Variants in RGS7 observed in about 807,000 individuals in gnomAD.
The protein encoded by RGS7 is regulator of G protein signaling 7, also known as regulator of G-protein signaling 7.
In RGS7, 27 loss-of-function variants were observed where a neutral mutation model predicts 81.1. The observed-to-expected ratio is 0.33, with a 90% CI of 0.25 to 0.46. The LOEUF (loss-of-function observed/expected upper bound fraction) is 0.46, where lower values mean the gene tolerates loss of function less well. Ranked by LOEUF, RGS7 falls within the 20% of genes least tolerant of loss-of-function variation. The pLI is 1.00. For missense variants in RGS7, 396 were observed against 607.4 expected (o/e 0.65, Z 3.66); for synonymous variants, 208 against 207.7 (o/e 1.00, Z -0.01).
intron 2 of RGS7, among the ~76,000 whole-genome samples, chr1:241,151,148 C>T (rs1572900244): frequency 6.6e-6 from 1 of 152,340 alleles, no homozygotes; most frequent in East Asian, 1.9e-4. Flanking sequence ...CACACCCTAA[C>T]AGTCGTGCCC....
At chr1:240,855,436 T>C (rs80155674) in intron 9 of RGS7, among the ~76,000 whole-genome samples, 1 of 151,236 alleles carries the variant, frequency 6.6e-6, no homozygotes, top group Non-Finnish European at 1.5e-5. Context: ...TCTTTGTTTC[T>C]TCCTTTTTTT....
chr1:241,108,355 A>AGAACGTTG (rs1286107974), intron 2 of RGS7, among the ~76,000 whole-genome samples: 6 of 152,118 alleles, frequency 3.9e-5, no homozygotes, highest in Non-Finnish European at 8.8e-5. Context: ...GATGCAGAAA[A>AGAACGTTG]GAACGTTGGA....
chr1:241,150,198 G>T (rs1460718579), intron 2 of RGS7, among the ~76,000 whole-genome samples: 1 of 152,076 alleles, frequency 6.6e-6, no homozygotes, highest in Admixed American at 6.6e-5. Context: ...ATGATGAAAT[G>T]GTTGTGACTT....
At chr1:241,217,462 G>A (rs565122913) in intron 2 of RGS7, among the ~76,000 whole-genome samples, 2 of 152,200 alleles carry the variant, frequency 1.3e-5, no homozygotes, top group Non-Finnish European at 2.9e-5. Context: ...TGCAAAGGCA[G>A]ATTTGTACTG....
intron 4 of RGS7, among the ~76,000 whole-genome samples, chr1:240,941,467 G>T (rs1219154999): frequency 1.3e-5 from 2 of 152,074 alleles, no homozygotes; most frequent in African/African-American, 4.8e-5. Context: ...GGCAAAAGTA[G>T]CAAGTGAATC....
At chr1:241,087,512 G>GT (rs2148913984) in intron 3 of RGS7, among the ~76,000 whole-genome samples, 1 of 152,240 alleles carries the variant, frequency 6.6e-6, no homozygotes, top group African/African-American at 2.4e-5. Flanking sequence ...TGGTACAGGG[G>GT]TTAGCAGAGT....
intron 6 of RGS7, among the ~76,000 whole-genome samples, chr1:240,906,571 C>T (rs1377577225): frequency 1.3e-5 from 2 of 152,200 alleles, no homozygotes; most frequent in African/African-American, 4.8e-5. Flanking sequence ...ATTTCTACCT[C>T]CCTCTGGGGA....
intron 4 of RGS7, among the ~76,000 whole-genome samples, chr1:240,982,048 C>T (rs1684988245): frequency 6.6e-6 from 1 of 152,136 alleles, no homozygotes; most frequent in African/African-American, 2.4e-5. Context: ...AGAATCTTCT[C>T]TGAACAATAT....
intron 3 of RGS7, among the ~76,000 whole-genome samples, chr1:241,089,788 G>A (rs929318972): frequency 7.9e-5 from 12 of 151,980 alleles, no homozygotes; most frequent in African/African-American, 2.4e-4. Context: ...GGCAGATCAC[G>A]AGGTCAGGAG....
intron 2 of RGS7, among the ~76,000 whole-genome samples, chr1:241,312,642 A>T (rs941959006): frequency 6.6e-6 from 1 of 151,956 alleles, no homozygotes; most frequent in African/African-American, 2.4e-5. Context: ...TGCTCCACCA[A>T]CCAGCCGTTG....
intron 2 of RGS7, among the ~76,000 whole-genome samples, chr1:241,137,364 C>T (rs2067596123): frequency 6.6e-6 from 1 of 152,134 alleles, no homozygotes. Flanking sequence ...ACCAAATTAA[C>T]AACACTGAAC....
At chr1:240,971,836 A>G (rs1572058745) in intron 4 of RGS7, among the ~76,000 whole-genome samples, 1 of 152,314 alleles carries the variant, frequency 6.6e-6, no homozygotes, top group Middle Eastern at 3.4e-3. Context: ...TCTCCTATGG[A>G]CATGACAGCT....
intron 2 of RGS7, among the ~76,000 whole-genome samples, chr1:241,259,667 A>AAAAAAAAAAAAAAAAATATATATATAT: frequency 2.0e-5 from 1 of 49,144 alleles, no homozygotes; most frequent in African/African-American, 7.9e-5. Flanking sequence ...AAAAAAAAAA[A>AAAAAAAAAAAAAAAAATATATATATAT]ATATATATAT....
intron 17 of RGS7, 96 bp downstream of exon 17, chr1:240,801,359 C>G (rs1407300311): frequency 1.3e-6 from 1 of 772,886 alleles, no homozygotes; most frequent in Non-Finnish European, 2.3e-6. Context: ...GCTGTTATAT[C>G]AAGAATGCAA....
At chr1:241,150,654 A>G (rs1255959289) in intron 2 of RGS7, among the ~76,000 whole-genome samples, 3 of 152,200 alleles carry the variant, frequency 2.0e-5, no homozygotes, top group Admixed American at 6.5e-5. Context: ...TGGAAACTGT[A>G]TTAGTCAGTG....
chr1:241,028,678 G>A lies in RGS7; in HGVS notation c.176-45549C>T, dbSNP rs150030056. On this transcript the variant is annotated intron_variant, in intron 3 of 18. Transcript: ENST00000440928. ...ATGGAGATCAGCGAGGGCCCAGGGA[G>A]GCGCAGGGACTGGAGCTGAGGGCAC... Among the ~76,000 whole-genome samples the A allele has an allele frequency of 3.8e-3, 576 of 152,250 alleles. 1 individual carries two copies. Among genetic ancestry groups the A allele is most frequent in the Middle Eastern group, 0.01 (3 of 294 alleles).
chr1:241,272,997 T>C (rs926088935), intron 2 of RGS7, among the ~76,000 whole-genome samples: 1 of 152,160 alleles, frequency 6.6e-6, no homozygotes, highest in African/African-American at 2.4e-5. Context: ...CATATGTATG[T>C]GTGTGTGTCT....
chr1:240,845,819 A>G (rs888034256), intron 9 of RGS7, among the ~76,000 whole-genome samples: 1 of 152,214 alleles, frequency 6.6e-6, no homozygotes, highest in Non-Finnish European at 1.5e-5. Context: ...TGTGTTTTAG[A>G]GTAATGTATC....
At chr1:241,259,667 A>AAAAAAAAAAAAAAAAAAAAATATATAT in intron 2 of RGS7, among the ~76,000 whole-genome samples, 1 of 49,146 alleles carries the variant, frequency 2.0e-5, no homozygotes, top group Non-Finnish European at 3.6e-5. Context: ...AAAAAAAAAA[A>AAAAAAAAAAAAAAAAAAAAATATATAT]ATATATATAT....
Sources: allele counts gnomAD v4.1 joint callset (sites outside exome capture counted in the v4.1 genomes callset), GRCh38; gene constraint gnomAD v4.1.1; transcripts MANE v1.5; gene names NCBI Gene and HGNC (gene_info 2026-07-23, HGNC 2026-07-21).